The following PTPRT variants were observed in gnomAD, a reference collection of about 807,000 sequenced individuals.
PTPRT encodes protein tyrosine phosphatase receptor type T.
PTPRT carries 56 observed loss-of-function variants against 176.8 expected under a neutral mutation model. That is an observed-to-expected ratio of 0.32 (90% CI 0.26 to 0.40). The LOEUF is 0.40. Among genes scored for constraint, PTPRT ranks in the 10% least tolerant of loss-of-function variants. The pLI is 1.00. For missense variants in PTPRT, 1,540 were observed against 1,908.2 expected, an observed-to-expected ratio of 0.81 and a Z score of 3.60; for synonymous variants, 783 against 739.0, an observed-to-expected ratio of 1.06 and a Z score of -0.96.
intron 17 of PTPRT, among the ~76,000 whole-genome samples, chr20:42,157,123 C>A (rs147751785): frequency 2.0e-3 from 303 of 152,204 alleles, no homozygotes; most frequent in African/African-American, 7.0e-3. Context: ...CTTGTACATG[C>A]CAGATATATT....
At chr20:42,919,633 T>C (rs1278380575) in intron 1 of PTPRT, among the ~76,000 whole-genome samples, 4 of 152,196 alleles carry the variant, frequency 2.6e-5, no homozygotes, top group African/African-American at 9.7e-5. Flanking sequence ...GCAAATATTA[T>C]CTCATTGTAT....
At chr20:42,205,174 G>T (rs1242963309) in intron 15 of PTPRT, among the ~76,000 whole-genome samples, 1 of 151,924 alleles carries the variant, frequency 6.6e-6, no homozygotes, top group Non-Finnish European at 1.5e-5. Flanking sequence ...GGAATTTCTA[G>T]CAAAGTAGAA....
intron 1 of PTPRT, among the ~76,000 whole-genome samples, chr20:42,982,870 C>T (rs1600620369): frequency 6.6e-6 from 1 of 152,234 alleles, no homozygotes; most frequent in African/African-American, 2.4e-5. Flanking sequence ...CTGTGCCAGG[C>T]ACTGCGTGAA....
rs933417158 is a variant in PTPRT at position 43,100,384 on chromosome 20, AAAAG to A, written c.88+89258_88+89261del. On this transcript the variant is annotated intron_variant, in intron 1 of 30. Coordinates refer to ENST00000373187, the MANE Select transcript of PTPRT (RefSeq NM_007050.6). ...AGGGTGACTCTGTCTCAATTTAAAAAAAAGAAAGAAAGAAAGGATATACACACAA... is the reference window on the plus strand; with the variant it reads ...AGGGTGACTCTGTCTCAATTTAAAAAAAAGAAAGAAAGGATATACACACAA... Among the ~76,000 whole-genome samples, 9 of 152,308 alleles carry A rather than the reference AAAAG, an allele frequency of 5.9e-5. No homozygotes were observed. The East Asian group carries it at 1.5e-3, about 26-fold the overall frequency.
chr20:42,818,422 G>A (rs1191757461), intron 2 of PTPRT, among the ~76,000 whole-genome samples: 2 of 151,412 alleles, frequency 1.3e-5, no homozygotes, highest in Admixed American at 6.6e-5. Context: ...ACAAACTCAC[G>A]AATATGAGAA....
intron 7 of PTPRT, among the ~76,000 whole-genome samples, chr20:42,600,783 T>C (rs76501763): frequency 2.0e-3 from 298 of 152,312 alleles, no homozygotes; most frequent in Middle Eastern, 6.8e-3. Context: ...GCAAAATACA[T>C]ACTTTTATTC....
At chr20:43,122,458 G>A (rs921835699) in intron 1 of PTPRT, among the ~76,000 whole-genome samples, 1 of 152,130 alleles carries the variant, frequency 6.6e-6, no homozygotes, top group Admixed American at 6.5e-5. Context: ...ATACGGTTTG[G>A]GTGTTTGTCC....
intron 15 of PTPRT, among the ~76,000 whole-genome samples, chr20:42,225,606 G>T (rs1176789898): frequency 1.3e-5 from 2 of 152,136 alleles, no homozygotes; most frequent in African/African-American, 4.8e-5. Flanking sequence ...GTGTGTGTGT[G>T]TTTCAATGTT....
chr20:42,401,904 G>C (rs1568848064), intron 9 of PTPRT, among the ~76,000 whole-genome samples: 1 of 152,166 alleles, frequency 6.6e-6, no homozygotes, highest in Non-Finnish European at 1.5e-5. Flanking sequence ...GCTTTGCTGG[G>C]GAAGCAGGGT....
intron 13 of PTPRT, among the ~76,000 whole-genome samples, chr20:42,251,880 A>G (rs1386012471): frequency 6.6e-6 from 1 of 152,196 alleles, no homozygotes. Flanking sequence ...ACAGGGCACC[A>G]TTTAAGTGTT....
At chr20:42,592,893 C>T (rs2073605201) in intron 7 of PTPRT, among the ~76,000 whole-genome samples, 1 of 152,186 alleles carries the variant, frequency 6.6e-6, no homozygotes, top group African/African-American at 2.4e-5. Context: ...CTTCTGTATC[C>T]TTTGTCAGTG....
chr20:42,747,957 G>A (rs2076714183), intron 6 of PTPRT, among the ~76,000 whole-genome samples: 2 of 152,202 alleles, frequency 1.3e-5, no homozygotes, highest in South Asian at 4.1e-4. Flanking sequence ...GGAGCAGGGA[G>A]GAAGCTGGAA....
intron 23 of PTPRT, among the ~76,000 whole-genome samples, chr20:42,107,718 G>A (rs1273792579): frequency 2.0e-5 from 3 of 152,200 alleles, no homozygotes; most frequent in Non-Finnish European, 2.9e-5. Context: ...GCCCCCTTCC[G>A]CTGCGTTTTC....
intron 7 of PTPRT, among the ~76,000 whole-genome samples, chr20:42,527,025 A>G (rs1248067718): frequency 2.3e-5 from 3 of 129,050 alleles, no homozygotes; most frequent in East Asian, 4.8e-4. Context: ...GTGCAGTGGC[A>G]CGATCTCAGC....
chr20:43,064,855 T>C (rs1987621920), intron 1 of PTPRT, among the ~76,000 whole-genome samples: 1 of 152,226 alleles, frequency 6.6e-6, no homozygotes. Context: ...AACAGGCCGA[T>C]AAATCCCAAC....
At chr20:42,518,695 A>AT (rs1466335496) in intron 7 of PTPRT, among the ~76,000 whole-genome samples, 4 of 151,316 alleles carry the variant, frequency 2.6e-5, no homozygotes, top group Admixed American at 1.3e-4. Flanking sequence ...ATCTTCTGGG[A>AT]TTTTTTCTGT....
At chr20:42,801,966 G>A (rs1344788559) in intron 2 of PTPRT, among the ~76,000 whole-genome samples, 3 of 152,246 alleles carry the variant, frequency 2.0e-5, no homozygotes, top group Admixed American at 6.5e-5. Context: ...GCCCTGATTT[G>A]CCCAGAGTCT....
At chr20:42,543,729 C>G (rs2072623660) in intron 7 of PTPRT, among the ~76,000 whole-genome samples, 1 of 151,936 alleles carries the variant, frequency 6.6e-6, no homozygotes, top group Non-Finnish European at 1.5e-5. Flanking sequence ...AAATGTATTT[C>G]TTAAACAAGA....
In PTPRT at chr20:42,595,929, C is replaced by G. The variant is rs757093786; in HGVS notation, c.1153+81937G>C. Among the ~76,000 whole-genome samples, 9 of 152,134 alleles carry G rather than the reference C, an allele frequency of 5.9e-5. No homozygotes were observed. In the South Asian group the frequency reaches 1.4e-3, roughly 25 times the overall value. On this transcript the variant is annotated intron_variant, in intron 7 of 30. Coordinates refer to ENST00000373187, the MANE Select transcript of PTPRT (RefSeq NM_007050.6). ...AGTGAATTTTTTCTTTGAGCAAATA[C>G]CCCTGCCTACTTGTTCATTTTTAAA...
Sources: gnomAD v4.1 joint callset for allele counts (sites outside exome capture counted in the v4.1 genomes callset) on GRCh38, gnomAD v4.1.1 for gene constraint, MANE v1.5 for transcripts, NCBI Gene and HGNC (gene_info 2026-07-23, HGNC 2026-07-21) for gene names.